Variants in RBFOX1 observed in about 807,000 individuals in gnomAD.
RBFOX1 encodes RNA binding protein fox-1 homolog 1.
Under a neutral mutation model 57.7 loss-of-function variants are expected in RBFOX1, and 8 were observed. The observed-to-expected ratio is 0.14, with a 90% confidence interval of 0.08 to 0.25. RBFOX1 has a LOEUF of 0.25. Ranked by LOEUF, RBFOX1 falls within the 10% of genes least tolerant of loss-of-function variation. RBFOX1 has a pLI of 1.00. For synonymous variants in RBFOX1, 326 were observed against 222.4 expected, an observed-to-expected ratio of 1.47 and a Z score of -4.15; for missense variants, 611 against 548.5, an observed-to-expected ratio of 1.11 and a Z score of -1.14.
intron 4 of RBFOX1, among the ~76,000 whole-genome samples, chr16:7,132,548 G>C (rs1052169682): frequency 1.3e-5 from 2 of 150,692 alleles, no homozygotes; most frequent in Non-Finnish European, 2.9e-5. Flanking sequence ...ATGGTGCCTT[G>C]CATAATGGTG....
intron 2 of RBFOX1, among the ~76,000 whole-genome samples, chr16:6,618,675 T>G (rs1365268642): frequency 6.6e-6 from 1 of 152,150 alleles, no homozygotes; most frequent in Non-Finnish European, 1.5e-5. Context: ...TTCACATCAC[T>G]TTAATGTGAT....
chr16:5,359,655 C>T (rs1021966071), intron 1 of RBFOX1, among the ~76,000 whole-genome samples: 2 of 152,058 alleles, frequency 1.3e-5, no homozygotes, highest in African/African-American at 4.8e-5. Flanking sequence ...TTTTTTTGAT[C>T]AGATTGTTAG....
At chr16:6,863,439 T>A (rs933917236) in intron 3 of RBFOX1, among the ~76,000 whole-genome samples, 11 of 151,978 alleles carry the variant, frequency 7.2e-5, no homozygotes, top group African/African-American at 2.4e-4. Context: ...TGGAAGGAAC[T>A]AAGCAAGTTT....
intron 2 of RBFOX1, among the ~76,000 whole-genome samples, chr16:6,589,377 G>T (rs1263029445): frequency 1.3e-5 from 2 of 152,168 alleles, no homozygotes; most frequent in Non-Finnish European, 2.9e-5. Context: ...GAAAACCCAG[G>T]AACTGGGGTT....
chr16:5,939,260 A>G (rs769342764), intron 4 of RBFOX1, among the ~76,000 whole-genome samples: 1 of 152,232 alleles, frequency 6.6e-6, no homozygotes, highest in Non-Finnish European at 1.5e-5. Flanking sequence ...TCATATTAGT[A>G]TATGTAATTG....
intron 3 of RBFOX1, among the ~76,000 whole-genome samples, chr16:5,782,572 A>T (rs1035159565): frequency 6.6e-6 from 1 of 152,170 alleles, no homozygotes; most frequent in African/African-American, 2.4e-5. Context: ...CAGTGTCAGG[A>T]TGGGGGATTT....
At chr16:7,358,475 C>T (rs952770192) in intron 4 of RBFOX1, among the ~76,000 whole-genome samples, 1 of 151,852 alleles carries the variant, frequency 6.6e-6, no homozygotes, top group Admixed American at 6.6e-5. Flanking sequence ...GGCTGGAGTG[C>T]AGCGGCGCGA....
At chr16:6,773,182 G>GTT (rs2078682068) in intron 3 of RBFOX1, among the ~76,000 whole-genome samples, 4 of 140,088 alleles carry the variant, frequency 2.9e-5, no homozygotes, top group East Asian at 2.3e-4. Context: ...GTGTGTGTGT[G>GTT]TGTGGGCATG....
chr16:7,079,486 C>G (rs1044593923), intron 4 of RBFOX1, among the ~76,000 whole-genome samples: 1 of 152,188 alleles, frequency 6.6e-6, no homozygotes, highest in African/African-American at 2.4e-5. Context: ...ATAGAGGGAG[C>G]TATTCAGCAA....
At chr16:5,471,092 C>T (rs1189824747) in intron 2 of RBFOX1, among the ~76,000 whole-genome samples, 6 of 152,094 alleles carry the variant, frequency 3.9e-5, no homozygotes, top group African/African-American at 1.4e-4. Context: ...CCTCGGTCTC[C>T]CAAAGTGCTG....
At chr16:5,576,633 G>C (rs575575094) in intron 2 of RBFOX1, among the ~76,000 whole-genome samples, 2 of 152,214 alleles carry the variant, frequency 1.3e-5, no homozygotes, top group East Asian at 3.9e-4. Context: ...TCCATTTTCC[G>C]CTGGTTTTGG....
At chr16:5,565,731 C>G (rs2046044620) in intron 2 of RBFOX1, among the ~76,000 whole-genome samples, 1 of 151,958 alleles carries the variant, frequency 6.6e-6, no homozygotes, top group South Asian at 2.1e-4. Context: ...TAAAGCTTTC[C>G]TGGAATCTCC....
intron 2 of RBFOX1, among the ~76,000 whole-genome samples, chr16:5,580,558 C>T (rs745921948): frequency 6.6e-6 from 1 of 152,196 alleles, no homozygotes; most frequent in Admixed American, 6.5e-5. Flanking sequence ...GGTGCCAGCT[C>T]CAGCTGGTCC....
chr16:6,129,858 C>T (rs1265482073), intron 1 of RBFOX1, among the ~76,000 whole-genome samples: 1 of 151,312 alleles, frequency 6.6e-6, no homozygotes, highest in Non-Finnish European at 1.5e-5. Context: ...ACTGTGGAGG[C>T]CAGAAGACAA....
At chr16:5,815,315 G>C (rs1382528545) in intron 3 of RBFOX1, among the ~76,000 whole-genome samples, 1 of 151,820 alleles carries the variant, frequency 6.6e-6, no homozygotes, top group African/African-American at 2.4e-5. Flanking sequence ...CCAATGTCTT[G>C]ATCACATGTG....
intron 1 of RBFOX1, among the ~76,000 whole-genome samples, chr16:5,313,446 A>G (rs1400706738): frequency 6.6e-6 from 1 of 152,220 alleles, no homozygotes; most frequent in African/African-American, 2.4e-5. Flanking sequence ...CCTGTAGAAC[A>G]AACAGGATCA....
At chr16:6,206,238 C>G (rs571379367) in intron 1 of RBFOX1, among the ~76,000 whole-genome samples, 1 of 152,100 alleles carries the variant, frequency 6.6e-6, no homozygotes. Flanking sequence ...GCAAGCCAGG[C>G]TCTTTCCCGC....
At chr16:5,383,210 G>T (rs1046092754) in intron 1 of RBFOX1, among the ~76,000 whole-genome samples, 2 of 152,190 alleles carry the variant, frequency 1.3e-5, no homozygotes, top group Non-Finnish European at 2.9e-5. Context: ...GAAACAGGAG[G>T]AGTAGGGGGC....
chr16:5,288,815 A>C (rs545802592), intron 1 of RBFOX1, among the ~76,000 whole-genome samples: 61 of 152,186 alleles, frequency 4.0e-4, no homozygotes, highest in Non-Finnish European at 7.6e-4. Context: ...TCTCCTGGTG[A>C]AGGGAGCAGG....
Sources: gnomAD v4.1 joint callset for allele counts (sites outside exome capture counted in the v4.1 genomes callset) on GRCh38, gnomAD v4.1.1 for gene constraint, MANE v1.5 for transcripts, NCBI Gene and HGNC (gene_info 2026-07-23, HGNC 2026-07-21) for gene names.